Variants in PID1 observed in about 807,000 individuals in gnomAD.
PID1 encodes PTB-containing, cubilin and LRP1-interacting protein.
In PID1, 10 loss-of-function variants were observed where a neutral mutation model predicts 19.1. That is an observed-to-expected ratio of 0.52 (90% confidence interval 0.32 to 0.89). PID1 has a LOEUF of 0.89. Ranked by LOEUF, PID1 falls within the 40% of genes least tolerant of loss-of-function variation. The pLI is 0.03. For missense variants in PID1, 248 were observed against 285.3 expected, an observed-to-expected ratio of 0.87 and a Z score of 0.94; for synonymous variants, 130 against 116.0, an observed-to-expected ratio of 1.12 and a Z score of -0.78.
chr2:229,032,279 T>G (rs891921781), intron 2 of PID1, among the ~76,000 whole-genome samples: 2 of 152,186 alleles, frequency 1.3e-5, no homozygotes, highest in African/African-American at 4.8e-5. Flanking sequence ...GTGGGAAAAT[T>G]CCCTTTAATA....
At chr2:229,179,429 A>G (rs970709464) in intron 1 of PID1, among the ~76,000 whole-genome samples, 1 of 152,180 alleles carries the variant, frequency 6.6e-6, no homozygotes, top group African/African-American at 2.4e-5. Flanking sequence ...TCAAAACACT[A>G]AAGCCCACTC....
At chr2:229,074,956 C>T (rs1363488061) in intron 2 of PID1, among the ~76,000 whole-genome samples, 3 of 152,150 alleles carry the variant, frequency 2.0e-5, no homozygotes, top group Non-Finnish European at 2.9e-5. Context: ...ATGTAATATA[C>T]AGGGCTCCCT....
At chr2:229,206,805 C>A (rs1466415086) in intron 1 of PID1, among the ~76,000 whole-genome samples, 2 of 152,186 alleles carry the variant, frequency 1.3e-5, no homozygotes, top group African/African-American at 4.8e-5. Context: ...CTATTTATTT[C>A]TCTGTAAGGT....
chr2:229,146,796 G>T (rs1167759325), intron 2 of PID1, among the ~76,000 whole-genome samples: 1 of 152,032 alleles, frequency 6.6e-6, no homozygotes, highest in Non-Finnish European at 1.5e-5. Flanking sequence ...GCAGAGGGAG[G>T]TTTGATAGAG....
At chr2:229,211,709 C>T (rs1350542557) in intron 1 of PID1, among the ~76,000 whole-genome samples, 3 of 152,164 alleles carry the variant, frequency 2.0e-5, no homozygotes, top group Non-Finnish European at 4.4e-5. Context: ...AGAGGACTTT[C>T]CTTCCCACTA....
chr2:229,047,450 T>A (rs981306280), intron 2 of PID1, among the ~76,000 whole-genome samples: 1 of 152,078 alleles, frequency 6.6e-6, no homozygotes, highest in African/African-American at 2.4e-5. Flanking sequence ...TAAGTAATGA[T>A]CTAATTAGAA....
chr2:229,082,301 C>T (rs1180834306), intron 2 of PID1, among the ~76,000 whole-genome samples: 1 of 152,142 alleles, frequency 6.6e-6, no homozygotes, highest in Non-Finnish European at 1.5e-5. Flanking sequence ...ATGGCTGTAC[C>T]ATAATTTGGT....
intron 2 of PID1, among the ~76,000 whole-genome samples, chr2:229,117,263 A>T (rs1695429023): frequency 2.0e-5 from 3 of 152,172 alleles, no homozygotes. Flanking sequence ...TGATCTCATC[A>T]TCAGTATGGA....
intron 1 of PID1, among the ~76,000 whole-genome samples, chr2:229,222,934 C>A (rs1452204861): frequency 1.3e-5 from 2 of 151,366 alleles, no homozygotes; most frequent in Admixed American, 6.6e-5. Flanking sequence ...TCTGGAGAAC[C>A]CTAATACACA....
chr2:229,096,807 C>T (rs1318825707), intron 2 of PID1, among the ~76,000 whole-genome samples: 3 of 152,160 alleles, frequency 2.0e-5, no homozygotes, highest in Non-Finnish European at 4.4e-5. Flanking sequence ...TAACCCCTCA[C>T]TAAGGATCCC....
chr2:229,031,685 G>C (rs917875213), intron 2 of PID1, among the ~76,000 whole-genome samples: 1 of 152,150 alleles, frequency 6.6e-6, no homozygotes, highest in Non-Finnish European at 1.5e-5. Context: ...TTTAAATAGC[G>C]TGTCCCTAAA....
intron 2 of PID1, among the ~76,000 whole-genome samples, chr2:229,138,944 G>T (rs1416502634): frequency 1.4e-5 from 2 of 145,572 alleles, no homozygotes; most frequent in Non-Finnish European, 3.0e-5. Flanking sequence ...AGAGAAAAGG[G>T]GTACTGAAGA....
intron 2 of PID1, among the ~76,000 whole-genome samples, chr2:229,122,403 C>T (rs1695541958): frequency 6.6e-6 from 1 of 152,050 alleles, no homozygotes; most frequent in South Asian, 2.1e-4. Context: ...ATAAGGGAAC[C>T]CAGGAATAGC....
chr2:229,035,506 ATGTGTG>A (rs3083806), intron 2 of PID1, among the ~76,000 whole-genome samples: 3,823 of 148,234 alleles, frequency 0.026, 121 homozygotes, highest in East Asian at 0.1. Context: ...AATCATTTAT[ATGTGTG>A]TGTGTGTGTG....
intron 1 of PID1, among the ~76,000 whole-genome samples, chr2:229,259,437 G>A (rs1690400431): frequency 6.6e-6 from 1 of 152,192 alleles, no homozygotes; most frequent in Non-Finnish European, 1.5e-5. Context: ...CCAACCCAGA[G>A]AAACTCTGGG....
intron 2 of PID1, among the ~76,000 whole-genome samples, chr2:229,131,772 C>T (rs929791213): frequency 2.6e-5 from 4 of 151,822 alleles, no homozygotes; most frequent in South Asian, 2.1e-4. Context: ...AGCCAAGCAA[C>T]GTTCACTTCT....
intron 2 of PID1, among the ~76,000 whole-genome samples, chr2:229,150,353 G>A (rs1365630533): frequency 2.0e-5 from 3 of 152,066 alleles, no homozygotes; most frequent in African/African-American, 4.8e-5. Flanking sequence ...GCCAGGAGAA[G>A]CAACCCCCTG....
Position 229,026,108 on chromosome 2 carries a change from C to T in PID1, c.178G>A (p.Val60Ile), listed in dbSNP as rs746316153. 8.7e-6 allele frequency: 14 copies of T among 1,608,760 alleles called. No homozygotes were observed. The Admixed American group carries it at 2.2e-4, about 25-fold the overall frequency. ...MKTRTHSGCKVTYLGKVSTTG... is the reference protein window; with the variant it reads ...MKTRTHSGCKITYLGKVSTTG... ...GTGGAGACTTTGCCCAGGTAGGTAA[C>T]CTGCAGATGCAAGAGAGGAAGAAAA... Residue 60 changes from valine (V) to isoleucine (I), a missense_variant and splice_region_variant, in exon 3 of 3, where the codon GTT becomes ATT. Coordinates refer to ENST00000392055, the MANE Select transcript of PID1 (RefSeq NM_001100818.2).
At chr2:229,044,050 G>C (rs570669458) in intron 2 of PID1, among the ~76,000 whole-genome samples, 22 of 152,252 alleles carry the variant, frequency 1.4e-4, no homozygotes, top group Admixed American at 1.2e-3. Context: ...ATTTAAACCA[G>C]GAAAGCAGAT....
Sources: gnomAD v4.1 joint callset for allele counts (sites outside exome capture counted in the v4.1 genomes callset) on GRCh38, gnomAD v4.1.1 for gene constraint, MANE v1.5 for transcripts, NCBI Gene and HGNC (gene_info 2026-07-23, HGNC 2026-07-21) for gene names.